The following RAD23A variants were observed in gnomAD, a reference collection of about 807,000 sequenced individuals.
The protein encoded by RAD23A is lysine-specific demethylase RAD23A.
RAD23A carries 16 observed loss-of-function variants against 44.8 expected under a neutral mutation model. The ratio of observed to expected loss-of-function variants is 0.36; its 90% confidence interval spans 0.24 to 0.54. The LOEUF is 0.54. Ranked by LOEUF, RAD23A falls within the 20% of genes least tolerant of loss-of-function variation. The probability of loss-of-function intolerance (pLI) is 0.89; values close to 1 mark genes in which losing one functional copy is unlikely to be tolerated. For missense variants in RAD23A, 380 were observed against 483.3 expected, an observed-to-expected ratio of 0.79 and a Z score of 2.00; for synonymous variants, 217 against 202.9, an observed-to-expected ratio of 1.07 and a Z score of -0.59.
chr19:12,952,733 G>A lies in RAD23A; in HGVS notation c.858G>A (p.Glu286=). The A allele has an allele frequency of 6.2e-7, 1 of 1,612,832 alleles. No homozygotes were observed. Among genetic ancestry groups the A allele is most frequent in the Non-Finnish European group, 8.5e-7 (1 of 1,179,792 alleles). The change falls in exon 8 of 9, where the codon GAG becomes GAA. Residue 286 remains glutamate, a synonymous_variant. Transcript: ENST00000586534. The stretch of plus-strand genomic sequence containing the variant: ...AGCAGTTCATCCAGATGCTGAACGA[G>A]CCCCCTGGGGAGCTGGCGGACATCT... The part of the protein sequence containing the change: ...HQEQFIQMLN[E]PPGELADISD...
At chr19:12,947,739 C>G in intron 1 of RAD23A, 109 bp from the exon 2 acceptor site, 1 of 1,055,970 alleles carries the variant, frequency 9.5e-7, no homozygotes, top group South Asian at 1.5e-5. Flanking sequence ...CTTAAAAAAC[C>G]CAGCGTGCTT....
At position 12,952,706 on chromosome 19, in the gene RAD23A, G is replaced by A. The variant is rs755009000; in HGVS notation, c.831G>A (p.Gln277=). 6.2e-7 allele frequency: 1 copy of A among 1,611,368 alleles called. No homozygotes were observed. The highest frequency in any genetic ancestry group is 2.1e-4 in the Middle Eastern group (1 of 4,688). The change falls in exon 8 of 9, where the codon CAG becomes CAA. Residue 277 remains glutamine, a synonymous_variant. Coordinates refer to ENST00000586534, the MANE Select transcript of RAD23A (RefSeq NM_005053.4). ...PQLLQQISRH[Q]EQFIQMLNEP... is the part of the protein sequence containing the mutation. The stretch of plus-strand genomic sequence containing the variant: ...TCCTGCAGCAAATCAGCCGGCACCA[G>A]GAGCAGTTCATCCAGATGCTGAACG...
chr19:12,948,110 A>G lies in RAD23A; in HGVS notation c.235-67A>G, dbSNP rs924412438. On this transcript the variant is annotated intron_variant, in intron 2 of 8. Transcript: ENST00000586534. The surrounding 1 kb of genome is among the most constrained non-coding windows in gnomAD (Gnocchi z 5.5). ...GATTAGCTGTGAACAGGGCGGGGCCACAGCGGAGCGGGTTGTTGGGTCTGA... is the reference window on the plus strand; with the variant it reads ...GATTAGCTGTGAACAGGGCGGGGCCGCAGCGGAGCGGGTTGTTGGGTCTGA... 20 of 1,609,686 alleles carry G rather than the reference A, an allele frequency of 1.2e-5. No homozygotes were observed. The highest frequency in any genetic ancestry group is 1.7e-5 in the Non-Finnish European group (20 of 1,177,130).
In RAD23A at chr19:12,948,723, C is replaced by T; in HGVS notation, c.510C>T (p.Ile170=). The change falls in exon 5 of 9, where the codon ATC becomes ATT. Residue 170 remains isoleucine (I), a synonymous_variant. Transcript: ENST00000586534. The surrounding 1 kb of genome is among the most constrained non-coding windows in gnomAD (Gnocchi z 5.5). ...AGTATGAGACGATGCTGACGGAGATCATGTCCATGGGCTATGAGCGAGAGC... is the reference window on the plus strand; with the variant it reads ...AGTATGAGACGATGCTGACGGAGATTATGTCCATGGGCTATGAGCGAGAGC... ...GSEYETMLTE[I]MSMGYERERV... 1 of 1,613,592 alleles carries T rather than the reference C, an allele frequency of 6.2e-7. No individual in the cohort carries two copies. Among genetic ancestry groups the T allele is most frequent in the East Asian group, 2.2e-5 (1 of 44,870 alleles).
intron 1 of RAD23A, 64 bp downstream of exon 1, chr19:12,946,084 G>GGGGGGGGCCC: frequency 5.9e-6 from 3 of 512,128 alleles, no homozygotes; most frequent in East Asian, 5.5e-5. Context: ...TGGGGGCGGG[G>GGGGGGGGCCC]AGGCTAGAAT....
chr19:12,950,821 T>C (rs1459540523), intron 7 of RAD23A, among the ~76,000 whole-genome samples: 1 of 152,150 alleles, frequency 6.6e-6, no homozygotes, highest in East Asian at 1.9e-4. Context: ...ATCCCAGCAC[T>C]TTGGGAGGCT....
chr19:12,947,210 GCCAGGAGTTTGAGA>G (rs888151003), intron 1 of RAD23A, among the ~76,000 whole-genome samples: 11 of 152,014 alleles, frequency 7.2e-5, no homozygotes, highest in Non-Finnish European at 1.5e-5. Flanking sequence ...ATTGCTTGAG[GCCAGGAGTTTGAGA>G]CCAGCCAGTC....
chr19:12,946,043 G>T, intron 1 of RAD23A, 23 bp downstream of exon 1: 1 of 1,585,806 alleles, frequency 6.3e-7, no homozygotes, highest in South Asian at 1.1e-5. Flanking sequence ...CCGGAGCCCG[G>T]GGGCGGGAGC....
intron 7 of RAD23A, among the ~76,000 whole-genome samples, chr19:12,952,096 G>A (rs1041173427): frequency 6.6e-6 from 1 of 152,180 alleles, no homozygotes; most frequent in South Asian, 2.1e-4. Context: ...GCTAATTTTT[G>A]TATTTTAGTA....
chr19:12,948,164 C>T lies in RAD23A; in HGVS notation c.235-13C>T. 1 of 1,613,996 alleles carries T rather than the reference C, an allele frequency of 6.2e-7. No homozygotes were observed. Among genetic ancestry groups the T allele is most frequent in the South Asian group, 1.1e-5 (1 of 91,080 alleles). On this transcript the variant is annotated splice_polypyrimidine_tract_variant and intron_variant, in intron 2 of 8. Coordinates refer to ENST00000586534, the MANE Select transcript of RAD23A (RefSeq NM_005053.4). The surrounding 1 kb of genome is among the most constrained non-coding windows in gnomAD (Gnocchi z 5.5). ...GGTTGCTGATGCCAGCTCCCTTTTT[C>T]TTGCTGTTGCAGACCAAAGCCGGCC...
rs757255891 is a variant in RAD23A at position 12,948,370 on chromosome 19, G to A, written c.416+12G>A. On this transcript the variant is annotated intron_variant, in intron 3 of 8. Transcript: ENST00000586534. The surrounding 1 kb of genome is among the most constrained non-coding windows in gnomAD (Gnocchi z 5.5). ...GAGTCTGTGTCAGGGTAAGGCGGGG[G>A]CAGCAGTCCCAGCTTGGGCCCTGTC... 1.3e-6 allele frequency: 2 copies of A among 1,566,928 alleles called. No homozygotes were observed. Among genetic ancestry groups the A allele is most frequent in the African/African-American group, 2.7e-5 (2 of 73,650 alleles).
At chr19:12,950,695 C>T (rs577130972) in intron 7 of RAD23A, among the ~76,000 whole-genome samples, 1 of 152,342 alleles carries the variant, frequency 6.6e-6, no homozygotes, top group Admixed American at 6.5e-5. Flanking sequence ...GCCATCACAC[C>T]TGGCTGACTG....
chr19:12,948,856 A>G lies in RAD23A; in HGVS notation c.600+43A>G. The G allele has an allele frequency of 6.4e-7, 1 of 1,569,068 alleles. No individual in the cohort carries two copies. Among genetic ancestry groups the G allele is most frequent in the Non-Finnish European group, 8.6e-7 (1 of 1,161,342 alleles). On this transcript the variant is annotated intron_variant, in intron 5 of 8. Coordinates refer to ENST00000586534, the MANE Select transcript of RAD23A (RefSeq NM_005053.4). This position sits in a 1 kb window ranked among gnomAD's most constrained non-coding sequence, Gnocchi z 5.5. ...CCTCCCGGGGAGGCCTTGAGGGAGT[A>G]CCCGGGCGTCACTGCCCTGATGGGC...
At position 12,945,925 on chromosome 19, in the gene RAD23A, C is replaced by G. The variant is rs762133948; in HGVS notation, c.-24C>G. On this transcript the variant is annotated 5_prime_UTR_variant, in exon 1 of 9. Coordinates refer to ENST00000586534, the MANE Select transcript of RAD23A (RefSeq NM_005053.4). ...TGCATGTTGTGTGAGGATCCCGGGG[C>G]CGCCGCGTCGCTCGGGCCCCGCCAT... 5 of 1,605,628 alleles carry G rather than the reference C, an allele frequency of 3.1e-6. No individual in the cohort carries two copies. Among genetic ancestry groups the G allele is most frequent in the Non-Finnish European group, 4.2e-6 (5 of 1,177,328 alleles).
intron 7 of RAD23A, among the ~76,000 whole-genome samples, chr19:12,951,497 A>G (rs1235529197): frequency 1.3e-5 from 2 of 151,980 alleles, no homozygotes; most frequent in African/African-American, 4.8e-5. Flanking sequence ...CCCAGGCTGG[A>G]GTGCAGTGGC....
intron 7 of RAD23A, among the ~76,000 whole-genome samples, chr19:12,950,266 C>T (rs961904595): frequency 1.6e-4 from 24 of 152,154 alleles, no homozygotes; most frequent in African/African-American, 5.8e-4. Flanking sequence ...CTGCTGGGGT[C>T]TACCCCTTGT....
At position 12,948,962 on chromosome 19, in the gene RAD23A, G is replaced by A. The variant is rs1456738391; in HGVS notation, c.601-119G>A. The stretch of plus-strand genomic sequence containing the variant: ...AAAGGCTTCCCACAGGAGGCTGGAT[G>A]TGAGTGATGGGTGGGCCTCTGGAGG... On this transcript the variant is annotated intron_variant, in intron 5 of 8. Transcript: ENST00000586534. The surrounding 1 kb of genome is among the most constrained non-coding windows in gnomAD (Gnocchi z 5.5). 1.3e-6 allele frequency: 2 copies of A among 1,521,458 alleles called. No individual in the cohort carries two copies. The highest frequency in any genetic ancestry group is 1.8e-6 in the Non-Finnish European group (2 of 1,113,042). The allele number at this position is 1,521,458 out of a possible 1,614,324, so 94.2% of individuals were successfully genotyped here. A position where few individuals can be genotyped will look rare whatever the true frequency, so the allele number is the denominator to read the frequency against.
At chr19:12,950,250 G>A (rs1211057372) in intron 7 of RAD23A, among the ~76,000 whole-genome samples, 1 of 152,116 alleles carries the variant, frequency 6.6e-6, no homozygotes, top group Admixed American at 6.5e-5. Flanking sequence ...CCCAGGCCCT[G>A]GGGATCTGCT....
chr19:12,946,827 AAC>A (rs1430364246), intron 1 of RAD23A, among the ~76,000 whole-genome samples: 9 of 152,228 alleles, frequency 5.9e-5, no homozygotes, highest in African/African-American at 9.7e-5. Flanking sequence ...TAGAAAAGGA[AAC>A]ACACATTTTT....
Sources: allele counts gnomAD v4.1 joint callset (sites outside exome capture counted in the v4.1 genomes callset), GRCh38; gene constraint gnomAD v4.1.1; non-coding constraint Gnocchi (gnomAD v3.1); transcripts MANE v1.5; gene names NCBI Gene and HGNC (gene_info 2026-07-23, HGNC 2026-07-21).